Variants in KNTC1 observed in about 807,000 individuals in gnomAD.
The protein encoded by KNTC1 is kinetochore-associated protein 1.
Under a neutral mutation model 314.4 loss-of-function variants are expected in KNTC1, and 253 were observed. That is an observed-to-expected ratio of 0.80 (90% confidence interval 0.73 to 0.89). KNTC1 has a LOEUF of 0.89. KNTC1 is among the 40% of genes least tolerant of loss of function. KNTC1 has a pLI of 0.00. For missense variants in KNTC1, 2,475 were observed against 2,572.9 expected, an observed-to-expected ratio of 0.96 and a Z score of 0.82; for synonymous variants, 901 against 901.4, an observed-to-expected ratio of 1.00 and a Z score of 0.01.
Position 122,544,256 on chromosome 12 carries a change from C to T in KNTC1, c.656C>T (p.Pro219Leu). The T allele has an allele frequency of 6.5e-7, 1 of 1,544,546 alleles. No homozygotes were observed. Among genetic ancestry groups the T allele is most frequent in the Non-Finnish European group, 8.8e-7 (1 of 1,135,546 alleles). Residue 219 changes from proline (P) to leucine (L), a missense_variant, in exon 8 of 64, where the codon CCT (proline) becomes CTT (leucine). Coordinates refer to ENST00000333479, the MANE Select transcript of KNTC1 (RefSeq NM_014708.6). ...GCTGGAGATTTAGCAAGTGAAGTTCCTGTGATAATTGGGGTAATTGTTTTT... is the reference window on the plus strand; with the variant it reads ...GCTGGAGATTTAGCAAGTGAAGTTCTTGTGATAATTGGGGTAATTGTTTTT... ...LVAGDLASEV[P>L]VIIGGTGNCA...
chr12:122,552,544 T>C (rs962414827), intron 16 of KNTC1, among the ~76,000 whole-genome samples: 5 of 152,066 alleles, frequency 3.3e-5, no homozygotes, highest in Admixed American at 3.3e-4. Flanking sequence ...TTTAAATTTT[T>C]TGTAGAGACA....
intron 53 of KNTC1, 49 bp from the exon 54 acceptor site, chr12:122,613,063 A>T: frequency 2.1e-6 from 2 of 945,586 alleles, no homozygotes; most frequent in Non-Finnish European, 1.7e-6. Context: ...CATTTACCCA[A>T]CTACAATGTG....
intron 18 of KNTC1, among the ~76,000 whole-genome samples, chr12:122,559,826 T>G (rs1963860334): frequency 6.6e-6 from 1 of 152,174 alleles, no homozygotes; most frequent in East Asian, 1.9e-4. Context: ...CTGCCTGTTT[T>G]GGCCTCCCAA....
At chr12:122,566,246 C>CTT (rs150492240) in intron 20 of KNTC1, among the ~76,000 whole-genome samples, 3 of 139,308 alleles carry the variant, frequency 2.2e-5, no homozygotes, top group Non-Finnish European at 4.7e-5. Context: ...CGGCCTAAAT[C>CTT]TTTTTTTTTT....
At chr12:122,580,968 C>T (rs1482397889) in intron 33 of KNTC1, among the ~76,000 whole-genome samples, 1 of 149,340 alleles carries the variant, frequency 6.7e-6, no homozygotes, top group Non-Finnish European at 1.5e-5. Flanking sequence ...GCGGAGGTTG[C>T]AGTGAGCTGA....
intron 36 of KNTC1, 109 bp downstream of exon 36, chr12:122,585,099 A>G: frequency 3.0e-6 from 2 of 661,914 alleles, no homozygotes; most frequent in Non-Finnish European, 5.3e-6. Flanking sequence ...GTGCAGTGGC[A>G]TGATCAAGGC....
intron 24 of KNTC1, among the ~76,000 whole-genome samples, chr12:122,572,334 G>A (rs1028639334): frequency 6.6e-6 from 1 of 152,076 alleles, no homozygotes; most frequent in Admixed American, 6.5e-5. Flanking sequence ...GGCAGAGGTT[G>A]CAGTGAGCCG....
intron 16 of KNTC1, among the ~76,000 whole-genome samples, chr12:122,552,227 G>A (rs1052895748): frequency 1.3e-5 from 2 of 152,116 alleles, no homozygotes; most frequent in Non-Finnish European, 1.5e-5. Context: ...GGTCTTGAAG[G>A]TGTTCCTGAC....
At chr12:122,572,150 G>A (rs1964727588) in intron 24 of KNTC1, among the ~76,000 whole-genome samples, 1 of 152,098 alleles carries the variant, frequency 6.6e-6, no homozygotes, top group Non-Finnish European at 1.5e-5. Context: ...CCAGCACTTT[G>A]GGAGGCCGAG....
chr12:122,599,880 T>C (rs1871600626), intron 44 of KNTC1, among the ~76,000 whole-genome samples: 1 of 152,096 alleles, frequency 6.6e-6, no homozygotes, highest in African/African-American at 2.4e-5. Flanking sequence ...TAGTTAGGCC[T>C]AGTAGTACGT....
intron 20 of KNTC1, among the ~76,000 whole-genome samples, chr12:122,565,758 G>T (rs1964285549): frequency 6.6e-6 from 1 of 151,936 alleles, no homozygotes; most frequent in Non-Finnish European, 1.5e-5. Flanking sequence ...TTGGCCAGGT[G>T]CTTGTAGTCC....
chr12:122,540,505 T>G (rs1962220499), intron 5 of KNTC1, among the ~76,000 whole-genome samples: 2 of 152,254 alleles, frequency 1.3e-5, no homozygotes, highest in South Asian at 4.1e-4. Flanking sequence ...ATTAATATTG[T>G]AAGAAACAAT....
chr12:122,527,674 A>T (rs1960828070), intron 1 of KNTC1: 1 of 152,138 alleles, frequency 6.6e-6, no homozygotes, highest in Admixed American at 6.6e-5. Flanking sequence ...TTCAATCTTG[A>T]GGTCGAGGTT....
At chr12:122,597,692 C>T in intron 43 of KNTC1, 39 bp from the exon 44 acceptor site, 2 of 1,538,076 alleles carry the variant, frequency 1.3e-6, no homozygotes, top group Non-Finnish European at 1.8e-6. Flanking sequence ...GAAATGCCTG[C>T]AGTTTGGGAG....
At chr12:122,611,069 C>T (rs1428466169) in intron 53 of KNTC1, 169 bp downstream of exon 53, 1 of 617,100 alleles carries the variant, frequency 1.6e-6, no homozygotes, top group Non-Finnish European at 2.9e-6. Context: ...TTGCACCATG[C>T]TCCATTTAGT....
In KNTC1 at chr12:122,549,809, T is replaced by C. The variant is rs181801270; in HGVS notation, c.1031T>C (p.Leu344Pro). The change falls in exon 13 of 64, where the codon CTA becomes CCA. Residue 344 changes from leucine (L) to proline (P), a missense_variant. Coordinates refer to ENST00000333479, the MANE Select transcript of KNTC1 (RefSeq NM_014708.6). ...MVYSLPTMEILYSLEVSSVSS... is the reference protein window; with the variant it reads ...MVYSLPTMEIPYSLEVSSVSS... Reference sequence around the variant, plus strand: ...TATTCATTACCTACAATGGAAATACTATATTCTTTGGAAGTATCTAGTGTT... The same window carrying C: ...TATTCATTACCTACAATGGAAATACCATATTCTTTGGAAGTATCTAGTGTT... 1 of 1,568,530 alleles carries C rather than the reference T, an allele frequency of 6.4e-7. No individual in the cohort carries two copies. The highest frequency in any genetic ancestry group is 1.1e-5 in the South Asian group (1 of 87,264).
At chr12:122,620,430 A>G in intron 59 of KNTC1, 49 bp from the exon 60 acceptor site, 1 of 1,570,624 alleles carries the variant, frequency 6.4e-7, no homozygotes, top group South Asian at 1.2e-5. Flanking sequence ...GGCCAATATA[A>G]TCTAGTGAAT....
At chr12:122,528,541 G>A (rs749559630) in intron 1 of KNTC1, among the ~76,000 whole-genome samples, 2 of 152,074 alleles carry the variant, frequency 1.3e-5, no homozygotes, top group Admixed American at 6.6e-5. Context: ...TGAGACCCTC[G>A]TCTCTCAAAA....
At chr12:122,576,153 G>A (rs575263592) in intron 29 of KNTC1, among the ~76,000 whole-genome samples, 3 of 152,238 alleles carry the variant, frequency 2.0e-5, no homozygotes, top group Admixed American at 2.0e-4. Context: ...TCCGCCTTCT[G>A]GGTTCAAGTG....
Sources: allele counts gnomAD v4.1 joint callset (sites outside exome capture counted in the v4.1 genomes callset), GRCh38; gene constraint gnomAD v4.1.1; transcripts MANE v1.5; gene names NCBI Gene and HGNC (gene_info 2026-07-23, HGNC 2026-07-21).